UTRN: variants seen among roughly 807,000 people sequenced by gnomAD.
The protein encoded by UTRN is utrophin, also known as dystrophin-related protein 1.
A neutral mutation model predicts 463.9 loss-of-function variants in UTRN; 283 were observed. The observed-to-expected ratio is 0.61, with a 90% CI of 0.55 to 0.67. UTRN has a LOEUF of 0.67. UTRN is among the 30% of genes least tolerant of loss of function. The pLI, the probability that UTRN is intolerant of heterozygous loss-of-function variation, is 0.00. For missense variants in UTRN, 3,922 were observed against 4,084.3 expected (o/e 0.96, Z 1.08); for synonymous variants, 1,442 against 1,431.5 (o/e 1.01, Z -0.17).
intron 51 of UTRN, among the ~76,000 whole-genome samples, chr6:144,621,061 A>G (rs1318007911): frequency 2.0e-5 from 3 of 152,314 alleles, no homozygotes; most frequent in Non-Finnish European, 4.4e-5. Context: ...TGGACAAACT[A>G]GTTAACCTCT....
intron 73 of UTRN, among the ~76,000 whole-genome samples, chr6:144,842,129 A>AAT: frequency 6.9e-6 from 1 of 145,468 alleles, no homozygotes; most frequent in African/African-American, 2.7e-5. Context: ...AAAAAAAAAA[A>AAT]AAAAAGCCAT....
chr6:144,635,737 G>T (rs1484546701), intron 51 of UTRN, among the ~76,000 whole-genome samples: 2 of 150,830 alleles, frequency 1.3e-5, no homozygotes, highest in Non-Finnish European at 3.0e-5. Context: ...ATGACGTTAT[G>T]CCATTTGGCC....
At chr6:144,776,851 C>T (rs1775368842) in intron 60 of UTRN, among the ~76,000 whole-genome samples, 1 of 152,160 alleles carries the variant, frequency 6.6e-6, no homozygotes, top group South Asian at 2.1e-4. Flanking sequence ...ATTACTTTTG[C>T]ACCAACTTAA....
At position 144,444,510 on chromosome 6, in the gene UTRN, A is replaced by T; in HGVS notation, c.1614+128A>T. 7.6e-6 allele frequency: 4 copies of T among 523,566 alleles called. No homozygotes were observed. The South Asian group carries it at 1.1e-4, about 15-fold the overall frequency. The allele number at this position is 523,566 out of a possible 1,614,324, so 32.4% of individuals were successfully genotyped here. A position where few individuals can be genotyped will look rare whatever the true frequency, so the allele number is the denominator to read the frequency against. On this transcript the variant is annotated intron_variant, in intron 14 of 74. Coordinates refer to ENST00000367545, the MANE Select transcript of UTRN (RefSeq NM_007124.3). Reference sequence around the variant, plus strand: ...GGAAAATATATAAATAATTATTTTAAAGATCAAATTTCTATCCAGTTTATA... The same window carrying T: ...GGAAAATATATAAATAATTATTTTATAGATCAAATTTCTATCCAGTTTATA...
chr6:144,330,420 T>C (rs1387672686), intron 2 of UTRN, among the ~76,000 whole-genome samples: 1 of 152,208 alleles, frequency 6.6e-6, no homozygotes, highest in East Asian at 1.9e-4. Context: ...GGAATTAGTC[T>C]GGAGTATGTA....
At chr6:144,547,275 A>G (rs1479787409) in intron 46 of UTRN, among the ~76,000 whole-genome samples, 1 of 152,076 alleles carries the variant, frequency 6.6e-6, no homozygotes, top group Non-Finnish European at 1.5e-5. Context: ...TTTGGCTATC[A>G]GTTCTTTGTC....
chr6:144,438,686 T>C (rs545371049), intron 11 of UTRN, 59 bp from the exon 12 acceptor site: 11 of 1,602,550 alleles, frequency 6.9e-6, no homozygotes, highest in Non-Finnish European at 8.5e-6. Context: ...CCAGAATGTA[T>C]ATTTGACTTT....
chr6:144,826,580 T>C (rs1408370861), intron 66 of UTRN, among the ~76,000 whole-genome samples: 4 of 152,172 alleles, frequency 2.6e-5, no homozygotes, highest in Admixed American at 2.6e-4. Flanking sequence ...TCCTAGGCAG[T>C]ATATGACATC....
At chr6:144,580,235 G>GTGCTGGTGA (rs1801838651) in intron 51 of UTRN, among the ~76,000 whole-genome samples, 1 of 152,044 alleles carries the variant, frequency 6.6e-6, no homozygotes, top group South Asian at 2.1e-4. Context: ...GGTGGTGGTG[G>GTGCTGGTGA]TGCTGGTGGT....
intron 51 of UTRN, among the ~76,000 whole-genome samples, chr6:144,629,189 CT>C (rs1776253868): frequency 6.6e-6 from 1 of 151,824 alleles, no homozygotes; most frequent in Non-Finnish European, 1.5e-5. Context: ...AGCATATTTG[CT>C]TATTTGCTCT....
intron 2 of UTRN, among the ~76,000 whole-genome samples, chr6:144,312,864 A>C (rs1020336587): frequency 6.6e-6 from 1 of 152,234 alleles, no homozygotes; most frequent in Admixed American, 6.5e-5. Context: ...GATTCATACA[A>C]CTAATTTCCA....
rs748399313 is a variant in UTRN at position 144,772,016 on chromosome 6, GTTTTTTTTTTTTTTTTTTTTTTTT to G, written c.8557+62_8557+85del. ...AATTAACCTAAACAACTGAGAACCG[GTTTTTTTTTTTTTTTTTTTTTTTT>G]TTTTTTTTTTTTTAAGGTGGATTCT... On this transcript the variant is annotated intron_variant, in intron 59 of 74. Transcript: ENST00000367545. The G allele has an allele frequency of 5.1e-4, 65 of 127,580 alleles. 2 individuals carry two copies. The South Asian group carries it at 5.3e-3, about 10-fold the overall frequency. 7.9% of individuals were successfully genotyped at this position (127,580 alleles called of 1,614,324 possible).
chr6:144,398,281 TG>T, intron 2 of UTRN: 1 of 295,662 alleles, frequency 3.4e-6, no homozygotes, highest in Non-Finnish European at 6.9e-6. Context: ...ATCATTGCCT[TG>T]GAGGCTTTGT....
At chr6:144,745,532 T>A (rs769192769) in intron 54 of UTRN, among the ~76,000 whole-genome samples, 5 of 152,232 alleles carry the variant, frequency 3.3e-5, no homozygotes, top group African/African-American at 1.2e-4. Flanking sequence ...GGCAGACAGA[T>A]GGTGAATTGA....
At chr6:144,293,253 A>C (rs988429862) in intron 2 of UTRN, among the ~76,000 whole-genome samples, 1 of 152,112 alleles carries the variant, frequency 6.6e-6, no homozygotes, top group Non-Finnish European at 1.5e-5. Flanking sequence ...ATTTTCTATA[A>C]ATTGTGAGGA....
intron 55 of UTRN, among the ~76,000 whole-genome samples, chr6:144,751,483 T>TG (rs1249200234): frequency 3.3e-5 from 5 of 152,214 alleles, no homozygotes; most frequent in Non-Finnish European, 5.9e-5. Flanking sequence ...GAGCTGGCCT[T>TG]GCCATTTATT....
At chr6:144,769,840 G>A (rs979465453) in intron 58 of UTRN, among the ~76,000 whole-genome samples, 1 of 152,150 alleles carries the variant, frequency 6.6e-6, no homozygotes, top group African/African-American at 2.4e-5. Context: ...GGGAGCCCAT[G>A]ATGCCTTACT....
At chr6:144,316,878 C>G (rs182819795) in intron 2 of UTRN, among the ~76,000 whole-genome samples, 8 of 152,250 alleles carry the variant, frequency 5.3e-5, no homozygotes, top group Admixed American at 2.6e-4. Context: ...ATTCTGAATT[C>G]TTACAGAGAG....
At chr6:144,616,920 G>A (rs1437259203) in intron 51 of UTRN, among the ~76,000 whole-genome samples, 2 of 152,114 alleles carry the variant, frequency 1.3e-5, no homozygotes, top group African/African-American at 2.4e-5. Context: ...TTAGGAATAC[G>A]GGAAGACTAT....
Sources: gnomAD v4.1 joint callset for allele counts (sites outside exome capture counted in the v4.1 genomes callset) on GRCh38, gnomAD v4.1.1 for gene constraint, MANE v1.5 for transcripts, NCBI Gene and HGNC (gene_info 2026-07-23, HGNC 2026-07-21) for gene names.